Variants in RAP1A observed in about 807,000 individuals in gnomAD.
The protein encoded by RAP1A is ras-related protein Rap-1A.
In RAP1A, 6 loss-of-function variants were observed where a neutral mutation model predicts 26.4. The observed-to-expected ratio is 0.23, with a 90% CI of 0.12 to 0.45. RAP1A has a LOEUF of 0.45. Ranked by LOEUF, RAP1A falls within the 20% of genes least tolerant of loss-of-function variation. The pLI is 0.99. For synonymous variants in RAP1A, 73 were observed against 79.4 expected, an observed-to-expected ratio of 0.92 and a Z score of 0.43; for missense variants, 121 against 217.2, an observed-to-expected ratio of 0.56 and a Z score of 2.78.
chr1:111,666,833 A>G (rs1386641259), intron 1 of RAP1A, among the ~76,000 whole-genome samples: 2 of 152,196 alleles, frequency 1.3e-5, no homozygotes, highest in African/African-American at 4.8e-5. Context: ...AAGTCATTGC[A>G]GGCAAAGGGA....
chr1:111,596,835 C>G (rs1427174827), intron 1 of RAP1A, among the ~76,000 whole-genome samples: 1 of 152,180 alleles, frequency 6.6e-6, no homozygotes, highest in African/African-American at 2.4e-5. Flanking sequence ...CCCTTATAAC[C>G]TAATCACCTT....
rs530681431 is a variant in RAP1A, at chr1:111,624,858, G to A, written c.-28+4924G>A. 8.5e-5 allele frequency among the ~76,000 whole-genome samples: 13 copies of A among 152,084 alleles called. No individual in the cohort carries two copies. In the South Asian group the frequency reaches 2.7e-3, roughly 32 times the overall value. ...GAAATAAACTCCAATCAGTAGACAA[G>A]TTAATGGCTTTTTTAAAAGCACTAA... On this transcript the variant is annotated intron_variant, in intron 1 of 7. Transcript: ENST00000369709.
intron 1 of RAP1A, among the ~76,000 whole-genome samples, chr1:111,564,239 C>T (rs572238553): frequency 2.6e-5 from 4 of 152,308 alleles, no homozygotes; most frequent in African/African-American, 9.6e-5. Context: ...TGGAACTCTA[C>T]TTCTGAGTAC....
intron 1 of RAP1A, among the ~76,000 whole-genome samples, chr1:111,679,302 C>T (rs1661220739): frequency 6.6e-6 from 1 of 152,136 alleles, no homozygotes; most frequent in Non-Finnish European, 1.5e-5. Flanking sequence ...CGAACTCCCT[C>T]CCCTAGCCAA....
rs563077011 is a variant in RAP1A at position 111,596,974 on chromosome 1, A to T, written c.-28+54465A>T. On this transcript the variant is annotated intron_variant, in intron 1 of 7. Transcript: ENST00000356415. The stretch of plus-strand genomic sequence containing the variant: ...AATAAAGTTTGTTGAATGAATAAAT[A>T]AATGAAAATATTATCCGGGCGAAAG... 9.8e-5 allele frequency among the ~76,000 whole-genome samples: 15 copies of T among 152,356 alleles called. 1 individual carries two copies. The South Asian group carries it at 3.1e-3, about 32-fold the overall frequency.
intron 1 of RAP1A, among the ~76,000 whole-genome samples, chr1:111,632,814 A>G (rs931087256): frequency 3.3e-5 from 5 of 150,736 alleles, no homozygotes; most frequent in Non-Finnish European, 7.4e-5. Context: ...CCAGCTACTC[A>G]GGAGGCTGAG....
At chr1:111,591,553 T>C (rs1430410605) in intron 1 of RAP1A, among the ~76,000 whole-genome samples, 1 of 152,240 alleles carries the variant, frequency 6.6e-6, no homozygotes, top group Admixed American at 6.5e-5. Context: ...TTTGTTCTTT[T>C]ATTTAGGACT....
At chr1:111,610,407 T>G (rs977675303) in intron 1 of RAP1A, among the ~76,000 whole-genome samples, 1 of 152,208 alleles carries the variant, frequency 6.6e-6, no homozygotes, top group South Asian at 2.1e-4. Context: ...TGTTTTCTAC[T>G]TTTCGGACTC....
intron 1 of RAP1A, among the ~76,000 whole-genome samples, chr1:111,645,452 T>A (rs994775441): frequency 6.6e-6 from 1 of 152,162 alleles, no homozygotes; most frequent in African/African-American, 2.4e-5. Flanking sequence ...GACCAGGAAT[T>A]TGAAGTAGTG....
At chr1:111,591,869 A>G (rs1361448881) in intron 1 of RAP1A, among the ~76,000 whole-genome samples, 1 of 152,234 alleles carries the variant, frequency 6.6e-6, no homozygotes, top group Non-Finnish European at 1.5e-5. Context: ...GAAAGATTTA[A>G]CAGCCCAAAC....
chr1:111,603,809 A>G (rs1658716698), intron 1 of RAP1A, among the ~76,000 whole-genome samples: 1 of 152,146 alleles, frequency 6.6e-6, no homozygotes, highest in Non-Finnish European at 1.5e-5. Context: ...CTTTTTAACA[A>G]AACAAAAAAA....
intron 2 of RAP1A, 39 bp downstream of exon 2, chr1:111,691,456 C>G (rs375591578): frequency 4.4e-5 from 69 of 1,551,720 alleles, no homozygotes; most frequent in Non-Finnish European, 5.3e-5. Context: ...TAATATAATA[C>G]AAGAAGAATT....
intron 1 of RAP1A, among the ~76,000 whole-genome samples, chr1:111,659,580 T>C (rs1660570295): frequency 1.3e-5 from 2 of 152,088 alleles, no homozygotes; most frequent in African/African-American, 4.8e-5. Context: ...GCAGGTTAGT[T>C]ACATATGTAT....
intron 1 of RAP1A, among the ~76,000 whole-genome samples, chr1:111,570,548 C>A (rs4839147): frequency 6.6e-6 from 1 of 151,808 alleles, no homozygotes; most frequent in Non-Finnish European, 1.5e-5. Context: ...CTTGGTGTCC[C>A]TCTTAGTCCA....
rs530820606 is a variant in RAP1A at position 111,640,555 on chromosome 1, G to A, written c.-28+20621G>A. Among the ~76,000 whole-genome samples the A allele has an allele frequency of 2.0e-5, 3 of 152,250 alleles. No homozygotes were observed. In the South Asian group the frequency reaches 6.2e-4, roughly 32 times the overall value. ...GACTTAAAAGTAAGCTGTTTTTCAGGAAAGTATTAAATAATTGTTACTAGC... is the reference window on the plus strand; with the variant it reads ...GACTTAAAAGTAAGCTGTTTTTCAGAAAAGTATTAAATAATTGTTACTAGC... On this transcript the variant is annotated intron_variant, in intron 1 of 7. Transcript: ENST00000369709.
At chr1:111,595,122 T>C (rs1255102885) in intron 1 of RAP1A, among the ~76,000 whole-genome samples, 1 of 152,178 alleles carries the variant, frequency 6.6e-6, no homozygotes, top group Non-Finnish European at 1.5e-5. Context: ...CAGCCCATCT[T>C]CCCCCACTAT....
chr1:111,696,244 A>AT (rs780812308), intron 3 of RAP1A, among the ~76,000 whole-genome samples: 2 of 152,194 alleles, frequency 1.3e-5, no homozygotes, highest in African/African-American at 4.8e-5. Flanking sequence ...AGCCAAGAAT[A>AT]TTTTTTAAAA....
intron 1 of RAP1A, among the ~76,000 whole-genome samples, chr1:111,687,854 A>C (rs1365199159): frequency 6.6e-6 from 1 of 151,882 alleles, no homozygotes; most frequent in Non-Finnish European, 1.5e-5. Context: ...TGTCTACAAA[A>C]AAAATTAGAA....
chr1:111,692,483 T>C (rs72991075), intron 2 of RAP1A, among the ~76,000 whole-genome samples: 1,652 of 152,314 alleles, frequency 0.011, 25 homozygotes, highest in African/African-American at 0.038. Context: ...GGCATATAAC[T>C]TTCAATTCAG....
Sources: gnomAD v4.1 joint callset for allele counts (sites outside exome capture counted in the v4.1 genomes callset) on GRCh38, gnomAD v4.1.1 for gene constraint, MANE v1.5 for transcripts, NCBI Gene and HGNC (gene_info 2026-07-23, HGNC 2026-07-21) for gene names.